Variants in KCNMA1 observed in about 807,000 individuals in gnomAD.
KCNMA1 encodes potassium calcium-activated channel subfamily M alpha 1, also known as Calcium-activated potassium channel subunit alpha-1.
KCNMA1 carries 29 observed loss-of-function variants against 140.0 expected under a neutral mutation model. The observed-to-expected ratio is 0.21, with a 90% CI of 0.15 to 0.28. KCNMA1 has a LOEUF of 0.28. Ranked by LOEUF, KCNMA1 falls within the 10% of genes least tolerant of loss-of-function variation. The probability of loss-of-function intolerance (pLI) is 1.00; values close to 1 mark genes in which losing one functional copy is unlikely to be tolerated. For missense variants in KCNMA1, 880 were observed against 1,602.2 expected, an observed-to-expected ratio of 0.55 and a Z score of 7.70; for synonymous variants, 612 against 611.9, an observed-to-expected ratio of 1.00 and a Z score of 0.00.
chr10:76,936,848 C>T (rs749897895), intron 23 of KCNMA1, among the ~76,000 whole-genome samples: 9 of 152,092 alleles, frequency 5.9e-5, no homozygotes, highest in Non-Finnish European at 8.8e-5. Context: ...CAATGCCGTC[C>T]GCTCCCCATC....
rs531816323 is a variant in KCNMA1, at chr10:77,516,301, A to G, written c.379-112278T>C. Among the ~76,000 whole-genome samples, 10 of 151,912 alleles carry G rather than the reference A, an allele frequency of 6.6e-5. No homozygotes were observed. The South Asian group carries it at 1.0e-3, about 16-fold the overall frequency. On this transcript the variant is annotated intron_variant, in intron 1 of 27. Transcript: ENST00000286628. ...TGGCCCTTTCCTGAAATCTGCTCCAAACTCCCCTTAACAAAGAGCTTTCTC... is the reference window on the plus strand; with the variant it reads ...TGGCCCTTTCCTGAAATCTGCTCCAGACTCCCCTTAACAAAGAGCTTTCTC...
At chr10:77,152,801 G>A (rs975279393) in intron 5 of KCNMA1, among the ~76,000 whole-genome samples, 29 of 152,204 alleles carry the variant, frequency 1.9e-4, no homozygotes, top group African/African-American at 4.6e-4. Context: ...TCTGGGTTGC[G>A]GTGACAGGCA....
At chr10:77,621,396 T>C (rs2091317319) in intron 1 of KCNMA1, among the ~76,000 whole-genome samples, 1 of 152,170 alleles carries the variant, frequency 6.6e-6, no homozygotes, top group Admixed American at 6.6e-5. Context: ...TGTGGGATAA[T>C]AAGGCATCAT....
At chr10:77,008,651 G>A (rs532425396) in intron 18 of KCNMA1, among the ~76,000 whole-genome samples, 8 of 152,342 alleles carry the variant, frequency 5.3e-5, no homozygotes, top group East Asian at 1.9e-4. Flanking sequence ...GAAGTGAAAG[G>A]GGAAGGCTGG....
At chr10:77,520,037 G>GC (rs879329158) in intron 1 of KCNMA1, among the ~76,000 whole-genome samples, 9,633 of 43,302 alleles carry the variant, frequency 0.22, 987 homozygotes, top group Middle Eastern at 0.28. Context: ...CAGTGTGAGG[G>GC]TGTGCAGTGT....
At chr10:77,504,738 C>T (rs1382347679) in intron 1 of KCNMA1, among the ~76,000 whole-genome samples, 1 of 152,140 alleles carries the variant, frequency 6.6e-6, no homozygotes, top group Non-Finnish European at 1.5e-5. Context: ...CTAGGTATTA[C>T]AGGCATGAGT....
At chr10:77,411,987 G>A (rs1366020997) in intron 1 of KCNMA1, among the ~76,000 whole-genome samples, 3 of 152,190 alleles carry the variant, frequency 2.0e-5, no homozygotes, top group East Asian at 1.9e-4. Flanking sequence ...TCTGCCCAGC[G>A]GTCTCCAGCA....
chr10:77,048,817 G>A, intron 14 of KCNMA1, among the ~76,000 whole-genome samples: 1 of 152,162 alleles, frequency 6.6e-6, no homozygotes, highest in Middle Eastern at 3.2e-3. Context: ...CTGGAGTGCA[G>A]TGGTGCAATC....
chr10:76,977,796 A>C (rs1368763609), intron 19 of KCNMA1: 2 of 593,114 alleles, frequency 3.4e-6, no homozygotes, highest in Non-Finnish European at 6.0e-6. Flanking sequence ...GTTTGAGGTC[A>C]TGAGTCAGGT....
intron 2 of KCNMA1, among the ~76,000 whole-genome samples, chr10:77,399,406 T>C (rs1358197563): frequency 6.6e-6 from 1 of 152,176 alleles, no homozygotes. Context: ...AAAGCAAACA[T>C]ATATTACTTT....
At chr10:77,439,025 C>A (rs567508047) in intron 1 of KCNMA1, among the ~76,000 whole-genome samples, 70 of 151,386 alleles carry the variant, frequency 4.6e-4, no homozygotes, top group African/African-American at 1.6e-3. Context: ...GAGCCCAGAT[C>A]ATGCCACTGC....
At chr10:77,093,983 A>T (rs1325307765) in intron 9 of KCNMA1, among the ~76,000 whole-genome samples, 2 of 152,206 alleles carry the variant, frequency 1.3e-5, no homozygotes, top group Admixed American at 1.3e-4. Flanking sequence ...GCATTTTACA[A>T]TTAAAAAGCC....
At chr10:77,407,805 C>T (rs2096522642) in intron 1 of KCNMA1, among the ~76,000 whole-genome samples, 1 of 152,188 alleles carries the variant, frequency 6.6e-6, no homozygotes, top group African/African-American at 2.4e-5. Flanking sequence ...TGATGAAGCA[C>T]CCGCTGATGG....
At chr10:77,168,137 T>C (rs990242722) in intron 5 of KCNMA1, among the ~76,000 whole-genome samples, 3 of 152,158 alleles carry the variant, frequency 2.0e-5, no homozygotes, top group Non-Finnish European at 2.9e-5. Context: ...CGTGGGTATA[T>C]AGTAGTAATT....
At chr10:77,436,698 G>C (rs113797376) in intron 1 of KCNMA1, among the ~76,000 whole-genome samples, 1 of 152,130 alleles carries the variant, frequency 6.6e-6, no homozygotes. Context: ...ACATGACATG[G>C]AACTTCCTAA....
intron 17 of KCNMA1, among the ~76,000 whole-genome samples, chr10:77,013,738 G>A (rs2091397849): frequency 6.6e-6 from 1 of 152,168 alleles, no homozygotes; most frequent in Non-Finnish European, 1.5e-5. Context: ...CTTTGAAGGA[G>A]GTATGATTAT....
chr10:77,239,628 G>A (rs999779492), intron 3 of KCNMA1, among the ~76,000 whole-genome samples: 1 of 152,150 alleles, frequency 6.6e-6, no homozygotes, highest in African/African-American at 2.4e-5. Flanking sequence ...TACTGAAATG[G>A]CAGTTGATAT....
chr10:77,502,729 C>T (rs2044368236), intron 1 of KCNMA1, among the ~76,000 whole-genome samples: 1 of 152,168 alleles, frequency 6.6e-6, no homozygotes, highest in Non-Finnish European at 1.5e-5. Flanking sequence ...CCACTTACAA[C>T]TCTCCGAGCC....
chr10:77,163,260 C>T (rs1396711103), intron 5 of KCNMA1, among the ~76,000 whole-genome samples: 2 of 152,182 alleles, frequency 1.3e-5, no homozygotes, highest in African/African-American at 4.8e-5. Context: ...ATTCAAATTT[C>T]AGTGTCCCGA....
Sources: allele counts gnomAD v4.1 joint callset (sites outside exome capture counted in the v4.1 genomes callset), GRCh38; gene constraint gnomAD v4.1.1; transcripts MANE v1.5; gene names NCBI Gene and HGNC (gene_info 2026-07-23, HGNC 2026-07-21).